SSUH2: variants seen among roughly 807,000 people sequenced by gnomAD.
SSUH2 encodes the protein ssu-2 homolog, also known as protein SSUH2 homolog.
Under a neutral mutation model 55.3 loss-of-function variants are expected in SSUH2, and 47 were observed. The observed-to-expected ratio is 0.85, with a 90% CI of 0.67 to 1.08. The LOEUF is 1.08. Ranked by LOEUF, SSUH2 falls within the 50% of genes least tolerant of loss-of-function variation. The probability of loss-of-function intolerance (pLI) is 0.00; values close to 1 mark genes in which losing one functional copy is unlikely to be tolerated. For synonymous variants in SSUH2, 212 were observed against 191.5 expected (o/e 1.11, Z -0.89); for missense variants, 535 against 490.7 (o/e 1.09, Z -0.85).
At chr3:8,680,048 G>A (rs2124939413) in intron 1 of SSUH2, among the ~76,000 whole-genome samples, 1 of 152,238 alleles carries the variant, frequency 6.6e-6, no homozygotes, top group South Asian at 2.1e-4. Context: ...CCCCAGCCCT[G>A]GGGCTACCCG....
Position 8,641,515 on chromosome 3 carries a change from A to G in SSUH2, c.28+3216T>C, listed in dbSNP as rs139894348. ...CAGGAGAGCCTGGGGATCCTGTCTA[A>G]GCTGTAACAATTTCACTGAAGCTTT... On this transcript the variant is annotated intron_variant, in intron 1 of 11. Coordinates refer to ENST00000544814, the MANE Select transcript of SSUH2 (RefSeq NM_001256748.3). Among the ~76,000 whole-genome samples, 22 of 152,256 alleles carry G rather than the reference A, an allele frequency of 1.4e-4. No individual in the cohort carries two copies. The East Asian group carries it at 4.1e-3, about 28-fold the overall frequency.
intron 7 of SSUH2, among the ~76,000 whole-genome samples, chr3:8,658,217 T>C (rs1050141573): frequency 6.6e-6 from 1 of 152,258 alleles, no homozygotes. Context: ...GGAGTGCCTG[T>C]GGCTAGCAGA....
At chr3:8,662,734 G>A (rs1235134037) in intron 6 of SSUH2, among the ~76,000 whole-genome samples, 1 of 152,180 alleles carries the variant, frequency 6.6e-6, no homozygotes, top group East Asian at 1.9e-4. Flanking sequence ...GCTTTCCCCA[G>A]GCTCCAACAG....
intron 7 of SSUH2, among the ~76,000 whole-genome samples, chr3:8,654,431 C>T (rs900413820): frequency 3.3e-5 from 5 of 152,178 alleles, no homozygotes; most frequent in African/African-American, 1.2e-4. Context: ...TCGTAGTTTC[C>T]CATTGTAGGA....
intron 5 of SSUH2, among the ~76,000 whole-genome samples, chr3:8,666,207 A>T (rs944065071): frequency 1.3e-5 from 2 of 152,178 alleles, no homozygotes; most frequent in African/African-American, 2.4e-5. Context: ...TTTTCTCCTT[A>T]AGAGCAAGAC....
intron 10 of SSUH2, among the ~76,000 whole-genome samples, chr3:8,624,004 TCATGTACA>T (rs1430461245): frequency 6.6e-6 from 1 of 152,190 alleles, no homozygotes; most frequent in Non-Finnish European, 1.5e-5. Context: ...GATTCATTTC[TCATGTACA>T]CATTCAAACC....
intron 3 of SSUH2, among the ~76,000 whole-genome samples, chr3:8,675,396 C>G (rs575343654): frequency 2.6e-5 from 4 of 152,284 alleles, no homozygotes; most frequent in African/African-American, 9.6e-5. Flanking sequence ...GAGACCTAGG[C>G]TGCGTGTTGC....
intron 5 of SSUH2, chr3:8,664,043 A>G (rs558185475): frequency 3.0e-6 from 1 of 334,806 alleles, no homozygotes; most frequent in Non-Finnish European, 5.9e-6. Flanking sequence ...TGTCAACACG[A>G]GGTTTCTGCT....
At chr3:8,678,600 G>A (rs1454772959) in intron 2 of SSUH2, among the ~76,000 whole-genome samples, 1 of 95,386 alleles carries the variant, frequency 1.0e-5, no homozygotes, top group South Asian at 4.2e-4. Flanking sequence ...GGCAGGGACT[G>A]AGAGCCAGCC....
intron 10 of SSUH2, among the ~76,000 whole-genome samples, chr3:8,624,203 GC>G (rs1697054876): frequency 2.0e-5 from 3 of 151,714 alleles, no homozygotes; most frequent in Non-Finnish European, 4.4e-5. Context: ...GGCAAGCATA[GC>G]CCTCCCCTGG....
chr3:8,666,377 C>A (rs1575352726), intron 5 of SSUH2, among the ~76,000 whole-genome samples: 1 of 152,264 alleles, frequency 6.6e-6, no homozygotes, highest in East Asian at 1.9e-4. Flanking sequence ...TCAAATGTAT[C>A]TGCTAAGTAC....
At chr3:8,640,429 C>G (rs1331673149) in intron 1 of SSUH2, among the ~76,000 whole-genome samples, 4 of 152,108 alleles carry the variant, frequency 2.6e-5, no homozygotes, top group African/African-American at 9.7e-5. Context: ...CACTATTACC[C>G]ACAGCTAAAT....
chr3:8,656,907 CACTT>C (rs1379387425), intron 7 of SSUH2, among the ~76,000 whole-genome samples: 11 of 151,924 alleles, frequency 7.2e-5, no homozygotes, highest in Non-Finnish European at 1.2e-4. Flanking sequence ...GACAGAGTCT[CACTT>C]ACTCTGTCAC....
upstream of SSUH2, among the ~76,000 whole-genome samples, chr3:8,646,545 CT>C (rs1206452699): frequency 2.0e-5 from 3 of 152,186 alleles, no homozygotes; most frequent in Non-Finnish European, 4.4e-5. Context: ...TTTCTGCACG[CT>C]ACTTAGATCA....
chr3:8,622,890 C>T (rs1696723812), intron 11 of SSUH2, among the ~76,000 whole-genome samples: 1 of 152,152 alleles, frequency 6.6e-6, no homozygotes, highest in South Asian at 2.1e-4. Flanking sequence ...GTGGCTGGCC[C>T]AGGATCATGT....
chr3:8,634,748 A>G, intron 3 of SSUH2: 1 of 396,230 alleles, frequency 2.5e-6, no homozygotes, highest in Non-Finnish European at 4.8e-6. Context: ...CCCAGGTGAG[A>G]GGCTGGATTG....
intron 7 of SSUH2, among the ~76,000 whole-genome samples, chr3:8,651,680 C>T (rs1221825183): frequency 1.8e-4 from 27 of 152,280 alleles, no homozygotes; most frequent in Non-Finnish European, 1.6e-4. Context: ...TGCAGAGTCT[C>T]CCATGAAGCC....
At chr3:8,629,110 T>C (rs1314377725) in intron 7 of SSUH2, among the ~76,000 whole-genome samples, 2 of 152,124 alleles carry the variant, frequency 1.3e-5, no homozygotes, top group East Asian at 1.9e-4. Flanking sequence ...CTGCCCGCCT[T>C]GGCCTCCCAA....
chr3:8,640,748 G>A (rs1362936681), intron 1 of SSUH2, among the ~76,000 whole-genome samples: 1 of 152,208 alleles, frequency 6.6e-6, no homozygotes, highest in Non-Finnish European at 1.5e-5. Context: ...GGAAGCAAAT[G>A]TTCACCATGC....
Sources: gnomAD v4.1 joint callset for allele counts (sites outside exome capture counted in the v4.1 genomes callset) on GRCh38, gnomAD v4.1.1 for gene constraint, MANE v1.5 for transcripts, NCBI Gene and HGNC (gene_info 2026-07-23, HGNC 2026-07-21) for gene names.